The following SNTG1 variants were observed in gnomAD, a reference collection of about 807,000 sequenced individuals.
SNTG1 encodes syntrophin gamma 1.
A neutral mutation model predicts 74.7 loss-of-function variants in SNTG1; 39 were observed. The ratio of observed to expected loss-of-function variants is 0.52; its 90% CI spans 0.40 to 0.68. The LOEUF (loss-of-function observed/expected upper bound fraction) is 0.68, where lower values mean the gene tolerates loss of function less well. SNTG1 is among the 30% of genes least tolerant of loss of function. SNTG1 has a pLI of 0.00. For missense variants in SNTG1, 685 were observed against 609.5 expected (o/e 1.12, Z -1.30); for synonymous variants, 254 against 217.1 (o/e 1.17, Z -1.49).
chr8:50,279,116 C>A (rs545228288), intron 2 of SNTG1, among the ~76,000 whole-genome samples: 1 of 152,000 alleles, frequency 6.6e-6, no homozygotes, highest in Non-Finnish European at 1.5e-5. Context: ...TTAAATGATG[C>A]ATAAAAAATG....
At chr8:50,146,912 T>G (rs1586472941) in intron 1 of SNTG1, among the ~76,000 whole-genome samples, 1 of 152,210 alleles carries the variant, frequency 6.6e-6, no homozygotes, top group East Asian at 1.9e-4. Flanking sequence ...ATTCTGGATA[T>G]AAATTCTTTA....
intron 1 of SNTG1, among the ~76,000 whole-genome samples, chr8:50,113,911 TA>T (rs1002393095): frequency 1.4e-5 from 2 of 146,276 alleles, no homozygotes; most frequent in African/African-American, 5.3e-5. Context: ...TAAAGTATAA[TA>T]AAAATATACA....
intron 9 of SNTG1, among the ~76,000 whole-genome samples, chr8:50,518,069 C>G (rs2094148743): frequency 6.6e-6 from 1 of 152,152 alleles, no homozygotes; most frequent in African/African-American, 2.4e-5. Flanking sequence ...AAACACTCCT[C>G]TGCAAATACA....
At chr8:50,258,521 A>G (rs1299253745) in intron 2 of SNTG1, among the ~76,000 whole-genome samples, 5 of 152,196 alleles carry the variant, frequency 3.3e-5, no homozygotes, top group African/African-American at 4.8e-5. Flanking sequence ...CATTTAAAAA[A>G]TTACATAATT....
intron 15 of SNTG1, among the ~76,000 whole-genome samples, chr8:50,686,073 G>C (rs558857599): frequency 1.3e-5 from 2 of 152,076 alleles, no homozygotes; most frequent in Non-Finnish European, 2.9e-5. Flanking sequence ...ACAATTATTA[G>C]TCACATTATG....
chr8:50,318,065 T>C (rs2090381137), intron 2 of SNTG1, among the ~76,000 whole-genome samples: 1 of 152,110 alleles, frequency 6.6e-6, no homozygotes, highest in African/African-American at 2.4e-5. Context: ...CTCGATCTCC[T>C]GACCTCGTGA....
At chr8:50,237,304 A>T (rs958997759) in intron 2 of SNTG1, among the ~76,000 whole-genome samples, 3 of 152,132 alleles carry the variant, frequency 2.0e-5, no homozygotes, top group African/African-American at 7.2e-5. Flanking sequence ...TTGGAGCTCT[A>T]AGGTTGATAA....
intron 17 of SNTG1, among the ~76,000 whole-genome samples, chr8:50,734,744 TGTATATAGATATCTATATATATGG>T (rs2095521792): frequency 2.4e-5 from 2 of 83,826 alleles, no homozygotes; most frequent in African/African-American, 7.9e-5. Flanking sequence ...TATATGGACA[TGTATATAGATATCTATATATATGG>T]ACATATATAT....
At chr8:50,143,458 G>T (rs1424841639) in intron 1 of SNTG1, among the ~76,000 whole-genome samples, 1 of 152,174 alleles carries the variant, frequency 6.6e-6, no homozygotes, top group African/African-American at 2.4e-5. Context: ...CCTAACTAGG[G>T]TGACAAATAG....
In SNTG1 at chr8:50,125,758, T is replaced by C. The variant is rs995329970; in HGVS notation, c.-102-46803T>C. Among the ~76,000 whole-genome samples, 13 of 96,750 alleles carry C rather than the reference T, an allele frequency of 1.3e-4. 2 individuals carry two copies. The highest frequency in any genetic ancestry group is 3.2e-4 in the Non-Finnish European group (13 of 40,624). The allele number at this position is 96,750 out of a possible 152,430, so 63.5% of individuals were successfully genotyped here. ...TTTCCTAAGTGCTTAGTATATGGTGTGTTACGTTGCTGTATTAAGATGTGC... is the reference window on the plus strand; with the variant it reads ...TTTCCTAAGTGCTTAGTATATGGTGCGTTACGTTGCTGTATTAAGATGTGC... On this transcript the variant is annotated intron_variant, in intron 1 of 18. Transcript: ENST00000642720.
intron 2 of SNTG1, among the ~76,000 whole-genome samples, chr8:50,197,322 G>A (rs1474201181): frequency 1.3e-5 from 2 of 152,148 alleles, no homozygotes; most frequent in Non-Finnish European, 2.9e-5. Flanking sequence ...ATTCCTGTAA[G>A]CAGTATTTCT....
intron 8 of SNTG1, among the ~76,000 whole-genome samples, chr8:50,480,221 C>G (rs770649413): frequency 6.6e-6 from 1 of 152,024 alleles, no homozygotes; most frequent in Non-Finnish European, 1.5e-5. Context: ...TTTTAATTCG[C>G]TCTGATTGTG....
chr8:50,519,086 C>T (rs980504884), intron 9 of SNTG1, among the ~76,000 whole-genome samples: 1 of 152,194 alleles, frequency 6.6e-6, no homozygotes, highest in Non-Finnish European at 1.5e-5. Context: ...TCCAGCAGCA[C>T]ATCAAAAAGC....
At chr8:50,127,995 T>C (rs1007462903) in intron 1 of SNTG1, among the ~76,000 whole-genome samples, 4 of 152,042 alleles carry the variant, frequency 2.6e-5, no homozygotes, top group African/African-American at 9.7e-5. Context: ...GGTTATTAGA[T>C]TGGGGAGAGA....
chr8:50,374,261 G>T (rs1425365859), intron 2 of SNTG1, among the ~76,000 whole-genome samples: 1 of 152,188 alleles, frequency 6.6e-6, no homozygotes, highest in Non-Finnish European at 1.5e-5. Flanking sequence ...GTGATCAATT[G>T]TAGTTTCCTT....
intron 15 of SNTG1, among the ~76,000 whole-genome samples, chr8:50,696,814 T>C (rs999271318): frequency 6.6e-6 from 1 of 152,140 alleles, no homozygotes. Context: ...TGTCTGTTTT[T>C]ATGCCAGTAC....
At chr8:50,520,606 G>C (rs563035181) in intron 9 of SNTG1, among the ~76,000 whole-genome samples, 93 of 152,212 alleles carry the variant, frequency 6.1e-4, no homozygotes, top group African/African-American at 2.2e-3. Context: ...CAAAAAGTGG[G>C]CAAAGGATAT....
At chr8:50,367,347 T>C (rs1167543700) in intron 2 of SNTG1, among the ~76,000 whole-genome samples, 1 of 152,118 alleles carries the variant, frequency 6.6e-6, no homozygotes, top group Admixed American at 6.6e-5. Flanking sequence ...ATATAATTCA[T>C]TAAATTCCCA....
At chr8:50,359,233 A>G (rs1179294345) in intron 2 of SNTG1, among the ~76,000 whole-genome samples, 1 of 152,162 alleles carries the variant, frequency 6.6e-6, no homozygotes, top group East Asian at 1.9e-4. Flanking sequence ...TCCTTAGTCC[A>G]CAAAACCACT....
Sources: allele counts gnomAD v4.1 joint callset (sites outside exome capture counted in the v4.1 genomes callset), GRCh38; gene constraint gnomAD v4.1.1; transcripts MANE v1.5; gene names NCBI Gene and HGNC (gene_info 2026-07-23, HGNC 2026-07-21).